DTNBP1: variants seen among roughly 807,000 people sequenced by gnomAD.
DTNBP1 encodes the protein dysbindin.
DTNBP1 carries 35 observed loss-of-function variants against 42.8 expected under a neutral mutation model. That is an observed-to-expected ratio of 0.82 (90% CI 0.63 to 1.09). DTNBP1 has a LOEUF of 1.09. Ranked by LOEUF, DTNBP1 falls within the 50% of genes least tolerant of loss-of-function variation. DTNBP1 has a pLI of 0.00. For synonymous variants in DTNBP1, 171 were observed against 162.2 expected (o/e 1.05, Z -0.41); for missense variants, 457 against 424.2 (o/e 1.08, Z -0.68).
chr6:15,624,033 G>C (rs376151844), intron 5 of DTNBP1, among the ~76,000 whole-genome samples: 1 of 152,340 alleles, frequency 6.6e-6, no homozygotes, highest in Non-Finnish European at 1.5e-5. Context: ...TCAGCATCTT[G>C]ATGGCAGGTG....
chr6:15,572,737 T>C (rs925271382), intron 7 of DTNBP1, among the ~76,000 whole-genome samples: 10 of 152,158 alleles, frequency 6.6e-5, no homozygotes, highest in African/African-American at 1.9e-4. Context: ...ATGTTCTTCT[T>C]TTTCTCTTTC....
chr6:15,545,062 A>AT (rs1773792287), intron 7 of DTNBP1, among the ~76,000 whole-genome samples: 2 of 152,240 alleles, frequency 1.3e-5, no homozygotes, highest in South Asian at 4.2e-4. Context: ...TAACAGTTAC[A>AT]TTTTTTCTTA....
chr6:15,600,629 G>A (rs139867674), intron 6 of DTNBP1, among the ~76,000 whole-genome samples: 63 of 152,282 alleles, frequency 4.1e-4, no homozygotes, highest in Admixed American at 3.0e-3. Context: ...CTACAAAGAC[G>A]TGGGCTAGAA....
At chr6:15,660,325 T>A (rs1761531139) in intron 1 of DTNBP1, 6 of 1,285,804 alleles carry the variant, frequency 4.7e-6, no homozygotes, top group Non-Finnish European at 6.1e-6. Flanking sequence ...AGGAGGTTGA[T>A]CTCAAGCTGA....
intron 5 of DTNBP1, among the ~76,000 whole-genome samples, chr6:15,622,175 G>C (rs1192862917): frequency 6.6e-6 from 1 of 152,124 alleles, no homozygotes; most frequent in Non-Finnish European, 1.5e-5. Context: ...TAAATATTAA[G>C]AGACTATGCC....
intron 4 of DTNBP1, among the ~76,000 whole-genome samples, chr6:15,631,214 A>C (rs1229477470): frequency 6.6e-6 from 1 of 152,220 alleles, no homozygotes; most frequent in East Asian, 1.9e-4. Context: ...CATATATCTC[A>C]ATAATACACC....
At chr6:15,588,535 T>C (rs1776169494) in intron 7 of DTNBP1, among the ~76,000 whole-genome samples, 1 of 152,126 alleles carries the variant, frequency 6.6e-6, no homozygotes, top group African/African-American at 2.4e-5. Flanking sequence ...AAAATTCCAG[T>C]TTCCTCTCTC....
intron 7 of DTNBP1, among the ~76,000 whole-genome samples, chr6:15,544,954 A>G (rs1581292917): frequency 2.6e-5 from 4 of 152,172 alleles, no homozygotes; most frequent in Admixed American, 6.5e-5. Flanking sequence ...ATTTTAGAAA[A>G]ATTTTGTTCA....
At chr6:15,557,315 T>G (rs1293522074) in intron 7 of DTNBP1, among the ~76,000 whole-genome samples, 1 of 151,232 alleles carries the variant, frequency 6.6e-6, no homozygotes, top group Non-Finnish European at 1.5e-5. Flanking sequence ...ATGATAAAGC[T>G]GAAGGTTTGA....
chr6:15,560,511 A>G (rs1774786221), intron 7 of DTNBP1, among the ~76,000 whole-genome samples: 1 of 152,190 alleles, frequency 6.6e-6, no homozygotes, highest in Admixed American at 6.5e-5. Context: ...AAGTACAGTA[A>G]GAATCTGTTT....
At chr6:15,525,266 C>T (rs1772304077) in intron 8 of DTNBP1, among the ~76,000 whole-genome samples, 1 of 152,260 alleles carries the variant, frequency 6.6e-6, no homozygotes, top group African/African-American at 2.4e-5. Context: ...CCTAGTTGGC[C>T]TCTGCCCGGG....
intron 7 of DTNBP1, among the ~76,000 whole-genome samples, chr6:15,581,278 C>A (rs1775819863): frequency 1.3e-5 from 2 of 152,172 alleles, no homozygotes; most frequent in Admixed American, 1.3e-4. Flanking sequence ...CACCCAGGTT[C>A]AAGCAATTCT....
At chr6:15,594,480 G>GAAACA (rs1218749189) in intron 6 of DTNBP1, among the ~76,000 whole-genome samples, 1 of 147,728 alleles carries the variant, frequency 6.8e-6, no homozygotes, top group African/African-American at 2.5e-5. Flanking sequence ...AAAAAAAAAC[G>GAAACA]AAACAAAACA....
intron 7 of DTNBP1, among the ~76,000 whole-genome samples, chr6:15,551,544 C>T (rs1774210805): frequency 6.6e-6 from 1 of 152,172 alleles, no homozygotes; most frequent in South Asian, 2.1e-4. Context: ...GACGCCTGCA[C>T]TCAGCCAACT....
intron 7 of DTNBP1, among the ~76,000 whole-genome samples, chr6:15,582,990 T>C (rs971894399): frequency 6.6e-6 from 1 of 152,172 alleles, no homozygotes; most frequent in Non-Finnish European, 1.5e-5. Context: ...TCATTTTATT[T>C]TATTTTAGAG....
chr6:15,624,580 A>C (rs1242037755), intron 5 of DTNBP1, among the ~76,000 whole-genome samples: 1 of 152,244 alleles, frequency 6.6e-6, no homozygotes, highest in Non-Finnish European at 1.5e-5. Context: ...AGAGCAAAGT[A>C]AGACCAAAAG....
chr6:15,594,608 A>T (rs1033869081), intron 6 of DTNBP1, among the ~76,000 whole-genome samples: 2 of 152,200 alleles, frequency 1.3e-5, no homozygotes, highest in Non-Finnish European at 2.9e-5. Context: ...TACCCCGATA[A>T]TAAAAACCAG....
At chr6:15,565,657 G>T (rs1476179935) in intron 7 of DTNBP1, among the ~76,000 whole-genome samples, 2 of 152,180 alleles carry the variant, frequency 1.3e-5, no homozygotes, top group East Asian at 3.9e-4. Context: ...GACAAAGCTG[G>T]TTATGCTTAT....
intron 7 of DTNBP1, among the ~76,000 whole-genome samples, chr6:15,580,647 C>G (rs898440707): frequency 6.6e-6 from 1 of 152,178 alleles, no homozygotes; most frequent in African/African-American, 2.4e-5. Flanking sequence ...GTATATAAAC[C>G]TCAAAAATGT....
Sources: allele counts gnomAD v4.1 joint callset (sites outside exome capture counted in the v4.1 genomes callset), GRCh38; gene constraint gnomAD v4.1.1; transcripts MANE v1.5; gene names NCBI Gene and HGNC (gene_info 2026-07-23, HGNC 2026-07-21).